Variants in WIPI2 observed in about 807,000 individuals in gnomAD.
WIPI2 encodes WD repeat domain phosphoinositide-interacting protein 2.
A neutral mutation model predicts 52.3 loss-of-function variants in WIPI2; 28 were observed. The ratio of observed to expected loss-of-function variants is 0.54; its 90% CI spans 0.40 to 0.73. The LOEUF is 0.73. WIPI2 is among the 30% of genes least tolerant of loss of function. The pLI, the probability that WIPI2 is intolerant of heterozygous loss-of-function variation, is 0.00. For missense variants in WIPI2, 506 were observed against 602.9 expected (o/e 0.84, Z 1.68); for synonymous variants, 268 against 245.0 (o/e 1.09, Z -0.88).
At chr7:5,205,798 G>A (rs1294217308) in intron 3 of WIPI2, among the ~76,000 whole-genome samples, 2 of 151,490 alleles carry the variant, frequency 1.3e-5, no homozygotes, top group Non-Finnish European at 2.9e-5. Context: ...ATGAACCATC[G>A]TGCCTGGCCT....
intron 2 of WIPI2, among the ~76,000 whole-genome samples, chr7:5,196,663 G>A (rs977103424): frequency 2.2e-4 from 34 of 152,208 alleles, no homozygotes; most frequent in Admixed American, 1.4e-3. Context: ...AAGCCCCCTC[G>A]AAGCTCATTT....
intron 8 of WIPI2, 67 bp from the exon 9 acceptor site, chr7:5,225,756 A>C: frequency 8.6e-7 from 1 of 1,160,992 alleles, no homozygotes. Context: ...CTTCTCCGCC[A>C]CTTGAGTTGA....
rs1052608201 is a variant in WIPI2 at position 5,212,594 on chromosome 7, C to T, written c.212-1941C>T. 3.9e-5 allele frequency among the ~76,000 whole-genome samples: 6 copies of T among 152,172 alleles called. 1 individual carries two copies. The highest frequency in any genetic ancestry group is 3.3e-4 in the Admixed American group (5 of 15,284). On this transcript the variant is annotated intron_variant, in intron 3 of 12. Transcript: ENST00000288828. The stretch of plus-strand genomic sequence containing the variant: ...TTTTGCCCAGGCTGGCATGCAGGAA[C>T]GTGATCACCGCTCATTGCAGCCTCA...
At chr7:5,190,618 G>A in intron 1 of WIPI2, 125 bp downstream of exon 1, 13 of 1,006,648 alleles carry the variant, frequency 1.3e-5, no homozygotes, top group Non-Finnish European at 1.7e-5. Context: ...AAGGCGCGCA[G>A]AGGCGTCCCC....
chr7:5,222,468 C>T, intron 7 of WIPI2, 134 bp from the exon 8 acceptor site: 1 of 905,284 alleles, frequency 1.1e-6, no homozygotes, highest in Non-Finnish European at 1.8e-6. Flanking sequence ...CCTGGGGGAC[C>T]CCAGACTCCT....
intron 4 of WIPI2, among the ~76,000 whole-genome samples, chr7:5,215,243 G>A (rs147220399): frequency 4.5e-5 from 6 of 134,744 alleles, no homozygotes; most frequent in South Asian, 2.6e-4. Flanking sequence ...CCCGGGAGTC[G>A]GAAGTTGCAG....
intron 8 of WIPI2, among the ~76,000 whole-genome samples, chr7:5,224,867 T>C (rs1783348972): frequency 6.6e-6 from 1 of 152,124 alleles, no homozygotes; most frequent in South Asian, 2.1e-4. Flanking sequence ...TCGTTCACCG[T>C]CTCAGTCATA....
chr7:5,232,126 T>C lies in WIPI2; in HGVS notation c.*1179T>C. 2.5e-6 allele frequency: 1 copy of C among 398,948 alleles called. No individual in the cohort carries two copies. The highest frequency in any genetic ancestry group is 3.6e-5 in the East Asian group (1 of 28,084). The allele number at this position is 398,948 out of a possible 1,614,324, so 24.7% of individuals were successfully genotyped here. On this transcript the variant is annotated 3_prime_UTR_variant, in exon 13 of 13. Coordinates refer to ENST00000288828, the MANE Select transcript of WIPI2 (RefSeq NM_015610.4). ...CCCAGCAGCCAAAGTGTCGAGGGCA[T>C]TTAAGTGGCATTAATGGCAGGAGAG...
intron 2 of WIPI2, among the ~76,000 whole-genome samples, chr7:5,196,945 C>A (rs185889061): frequency 6.6e-6 from 1 of 151,710 alleles, no homozygotes; most frequent in African/African-American, 2.4e-5. Flanking sequence ...AACCCCATCT[C>A]TACTAGAAAT....
At chr7:5,212,169 G>A (rs1353130530) in intron 3 of WIPI2, among the ~76,000 whole-genome samples, 2 of 152,136 alleles carry the variant, frequency 1.3e-5, no homozygotes, top group Admixed American at 6.6e-5. Flanking sequence ...GGAGCTCCTC[G>A]TCTATGACAG....
chr7:5,212,124 A>G (rs1252060619), intron 3 of WIPI2, among the ~76,000 whole-genome samples: 1 of 152,202 alleles, frequency 6.6e-6, no homozygotes, highest in African/African-American at 2.4e-5. Context: ...AAATCTGGTC[A>G]TAAGGTCCAT....
At chr7:5,214,465 A>C (rs1251427412) in intron 3 of WIPI2, 70 bp from the exon 4 acceptor site, 1 of 1,613,772 alleles carries the variant, frequency 6.2e-7, no homozygotes, top group South Asian at 1.1e-5. Flanking sequence ...TTTGTTTTTG[A>C]GCGCAGATTC....
At chr7:5,229,582 G>A in intron 11 of WIPI2, 26 bp from the exon 12 acceptor site, 1 of 1,607,826 alleles carries the variant, frequency 6.2e-7, no homozygotes, top group Non-Finnish European at 8.5e-7. Flanking sequence ...TGGAGACGCT[G>A]AGCTGTGTCG....
intron 7 of WIPI2, among the ~76,000 whole-genome samples, chr7:5,222,131 T>A (rs1301582089): frequency 1.3e-5 from 2 of 152,138 alleles, no homozygotes; most frequent in Non-Finnish European, 2.9e-5. Context: ...GTATTTTTAG[T>A]AGAGACACAG....
chr7:5,229,482 A>T, intron 11 of WIPI2, 126 bp from the exon 12 acceptor site: 1 of 1,192,912 alleles, frequency 8.4e-7, no homozygotes, highest in Non-Finnish European at 1.1e-6. Context: ...CCACGGCGTG[A>T]TGAATGCCTG....
At chr7:5,206,209 A>C (rs1010294650) in intron 3 of WIPI2, among the ~76,000 whole-genome samples, 1 of 151,938 alleles carries the variant, frequency 6.6e-6, no homozygotes, top group African/African-American at 2.4e-5. Context: ...CAATACTTGG[A>C]GTGTATTGGA....
chr7:5,218,452 G>C (rs1357578726), intron 7 of WIPI2: 1 of 162,546 alleles, frequency 6.2e-6, no homozygotes, highest in Non-Finnish European at 1.4e-5. Flanking sequence ...TCCTACTATG[G>C]GTATAATTTA....
intron 8 of WIPI2, among the ~76,000 whole-genome samples, chr7:5,222,971 G>A (rs4724462): frequency 0.3 from 45,333 of 152,162 alleles, 7,192 homozygotes; most frequent in East Asian, 0.4. Flanking sequence ...TGTAAGGGAC[G>A]GGGCGGCGAC....
At chr7:5,224,771 C>G (rs1312084899) in intron 8 of WIPI2, among the ~76,000 whole-genome samples, 1 of 152,196 alleles carries the variant, frequency 6.6e-6, no homozygotes, top group Non-Finnish European at 1.5e-5. Flanking sequence ...AGCAAACTTT[C>G]TCCCAAAGTT....
Sources: gnomAD v4.1 joint callset for allele counts (sites outside exome capture counted in the v4.1 genomes callset) on GRCh38, gnomAD v4.1.1 for gene constraint, MANE v1.5 for transcripts, NCBI Gene and HGNC (gene_info 2026-07-23, HGNC 2026-07-21) for gene names.